PTGR1: variants seen among roughly 807,000 people sequenced by gnomAD.
PTGR1 encodes prostaglandin reductase 1, also known as 15-oxoprostaglandin 13-reductase.
A neutral mutation model predicts 37.7 loss-of-function variants in PTGR1; 23 were observed. The ratio of observed to expected loss-of-function variants is 0.61; its 90% confidence interval spans 0.44 to 0.86. The LOEUF is 0.86. PTGR1 is among the 40% of genes least tolerant of loss of function. The probability of loss-of-function intolerance (pLI) is 0.00; values close to 1 mark genes in which losing one functional copy is unlikely to be tolerated. For missense variants in PTGR1, 351 were observed against 394.3 expected (o/e 0.89, Z 0.93); for synonymous variants, 134 against 140.0 (o/e 0.96, Z 0.30).
At chr9:111,551,410 T>TG (rs1827944897) in intron 9 of PTGR1, among the ~76,000 whole-genome samples, 1 of 136,510 alleles carries the variant, frequency 7.3e-6, no homozygotes, top group Non-Finnish European at 1.6e-5. Flanking sequence ...GTTTTTTTTT[T>TG]TTTTTTTTTT....
At chr9:111,595,855 G>A (rs1184045178) in intron 2 of PTGR1, among the ~76,000 whole-genome samples, 1 of 151,824 alleles carries the variant, frequency 6.6e-6, no homozygotes, top group South Asian at 2.1e-4. Context: ...GGATGGTCTC[G>A]ATCTCCTGAC....
At chr9:111,550,581 C>T (rs1827911250) in intron 9 of PTGR1, among the ~76,000 whole-genome samples, 1 of 152,140 alleles carries the variant, frequency 6.6e-6, no homozygotes, top group Non-Finnish European at 1.5e-5. Flanking sequence ...GACTCATGTG[C>T]TCCCAAAATA....
chr9:111,556,775 T>C (rs1467707146), intron 9 of PTGR1, among the ~76,000 whole-genome samples: 1 of 152,198 alleles, frequency 6.6e-6, no homozygotes, highest in African/African-American at 2.4e-5. Context: ...CCTGCTGCCA[T>C]GTGAAGATGT....
At chr9:111,599,232 C>T (rs1460565108) in intron 1 of PTGR1, 1 of 152,352 alleles carries the variant, frequency 6.6e-6, no homozygotes, top group Non-Finnish European at 1.5e-5. Flanking sequence ...CCGCCGCCCG[C>T]TTGCCCATTC....
chr9:111,563,203 A>T lies in PTGR1; in HGVS notation c.908T>A (p.Ile303Asn). 6.2e-7 allele frequency: 1 copy of T among 1,613,882 alleles called. No homozygotes were observed. The highest frequency in any genetic ancestry group is 8.5e-7 in the Non-Finnish European group (1 of 1,179,884). Residue 303 changes from isoleucine to asparagine, a missense_variant, in exon 10 of 10, where the codon ATT becomes AAT. By Grantham distance (149) the Ile-to-Asn change is moderately radical. Transcript: ENST00000407693. ...AGCTGGCATGTTTTCAAATCCTTCA[A>T]TGATATATTCCTTGTACTGGATTTT... The part of the protein sequence containing the change: ...EGKIQYKEYI[I>N]EGFENMPAAF...
intron 9 of PTGR1, among the ~76,000 whole-genome samples, chr9:111,566,924 G>GA (rs1437432236): frequency 6.6e-6 from 1 of 151,700 alleles, no homozygotes; most frequent in Non-Finnish European, 1.5e-5. Flanking sequence ...CCTTCTCTAC[G>GA]AAAAACACAA....
chr9:111,590,311 T>C (rs16916217), intron 4 of PTGR1, among the ~76,000 whole-genome samples: 2,561 of 152,224 alleles, frequency 0.017, 77 homozygotes, highest in African/African-American at 0.058. Flanking sequence ...AGACTGATGA[T>C]GAACAGTATA....
At position 111,570,309 on chromosome 9, in the gene PTGR1, T is replaced by C. The variant is rs187530002; in HGVS notation, c.761-100A>G. Reference sequence around the variant, plus strand: ...TGTCACTGTGCTTGGTGCTGGGAGTTTTTTGGTGCTTCTCCCCTTCCATTT... The same window carrying C: ...TGTCACTGTGCTTGGTGCTGGGAGTCTTTTGGTGCTTCTCCCCTTCCATTT... On this transcript the variant is annotated intron_variant, in intron 8 of 9. Transcript: ENST00000407693. 14 of 1,466,054 alleles carry C rather than the reference T, an allele frequency of 9.5e-6. No individual in the cohort carries two copies. In the East Asian group the frequency reaches 3.4e-4, roughly 35 times the overall value. The allele number at this position is 1,466,054 out of a possible 1,614,324, so 90.8% of individuals were successfully genotyped here. A position where few individuals can be genotyped will look rare whatever the true frequency, so the allele number is the denominator to read the frequency against.
chr9:111,593,875 A>G (rs1055890525), intron 3 of PTGR1, among the ~76,000 whole-genome samples: 13 of 150,998 alleles, frequency 8.6e-5, no homozygotes, highest in African/African-American at 2.9e-4. Context: ...TTTAGTAGAG[A>G]CAGGGCTTTG....
chr9:111,561,084 A>AAT (rs368827456), downstream of PTGR1, among the ~76,000 whole-genome samples: 186 of 20,326 alleles, frequency 9.2e-3, 12 homozygotes, highest in Admixed American at 0.026. Flanking sequence ...CTCCATCTAA[A>AAT]ATATATATAT....
At chr9:111,585,893 T>C in intron 5 of PTGR1, 105 bp downstream of exon 5, 1 of 1,316,452 alleles carries the variant, frequency 7.6e-7, no homozygotes, top group Non-Finnish European at 1.1e-6. Flanking sequence ...CCCCTGAGCC[T>C]ATCATGCATC....
chr9:111,592,774 G>C (rs1194542462), intron 4 of PTGR1, 152 bp downstream of exon 4: 3 of 1,051,082 alleles, frequency 2.9e-6, no homozygotes, highest in Non-Finnish European at 3.9e-6. Context: ...AGTTAGGAAG[G>C]AGACAGAATT....
chr9:111,588,772 C>T (rs1316760314), intron 4 of PTGR1, among the ~76,000 whole-genome samples: 2 of 152,032 alleles, frequency 1.3e-5, no homozygotes, highest in African/African-American at 2.4e-5. Flanking sequence ...GTGATCCACC[C>T]ACCTCAGCCT....
chr9:111,570,641 T>C (rs1246068092), intron 8 of PTGR1, among the ~76,000 whole-genome samples: 1 of 150,232 alleles, frequency 6.7e-6, no homozygotes, highest in Admixed American at 6.6e-5. Flanking sequence ...TAGCTGGGCA[T>C]GGTGGCGGGT....
At chr9:111,562,397 T>A (rs1397252512), downstream of PTGR1, among the ~76,000 whole-genome samples, 1 of 151,480 alleles carries the variant, frequency 6.6e-6, no homozygotes, top group Non-Finnish European at 1.5e-5. Context: ...TGTCTCAGCC[T>A]CCCAAGAGGC....
intron 7 of PTGR1, chr9:111,577,327 T>G (rs1204044884): frequency 1.3e-5 from 2 of 152,200 alleles, no homozygotes; most frequent in South Asian, 4.1e-4. Context: ...TTGGTGAGTA[T>G]GTAGAGAAGT....
intron 2 of PTGR1, among the ~76,000 whole-genome samples, chr9:111,594,472 A>G (rs762244523): frequency 6.6e-6 from 1 of 151,906 alleles, no homozygotes; most frequent in Non-Finnish European, 1.5e-5. Flanking sequence ...ACAAGCCTGC[A>G]TATGTACCCC....
intron 9 of PTGR1, among the ~76,000 whole-genome samples, chr9:111,565,929 G>A: frequency 6.6e-6 from 1 of 152,126 alleles, no homozygotes. Context: ...AAACCCACTA[G>A]GGCTGGGCGC....
chr9:111,568,605 C>G (rs1457700391), intron 9 of PTGR1, among the ~76,000 whole-genome samples: 2 of 152,180 alleles, frequency 1.3e-5, no homozygotes, highest in East Asian at 1.9e-4. Context: ...TTGTGACCTA[C>G]TCCCTGTTCG....
Sources: allele counts gnomAD v4.1 joint callset (sites outside exome capture counted in the v4.1 genomes callset), GRCh38; gene constraint gnomAD v4.1.1; transcripts MANE v1.5; gene names NCBI Gene and HGNC (gene_info 2026-07-23, HGNC 2026-07-21).